The following MARCHF2 variants were observed in gnomAD, a reference collection of about 807,000 sequenced individuals.
MARCHF2 encodes the protein E3 ubiquitin-protein ligase MARCHF2.
Under a neutral mutation model 24.0 loss-of-function variants are expected in MARCHF2, and 22 were observed. The observed-to-expected ratio is 0.92, with a 90% CI of 0.66 to 1.31. The LOEUF (loss-of-function observed/expected upper bound fraction) is 1.31. MARCHF2 is among the 50% of genes most tolerant of loss of function. MARCHF2 has a pLI of 0.00. For synonymous variants in MARCHF2, 154 were observed against 153.0 expected (o/e 1.01, Z -0.05); for missense variants, 301 against 335.3 (o/e 0.90, Z 0.80).
chr19:8,438,438 C>T lies in MARCHF2; in HGVS notation c.633C>T (p.Asn211=), dbSNP rs2145577389. 6.2e-7 allele frequency: 1 copy of T among 1,614,102 alleles called. No homozygotes were observed. Among genetic ancestry groups the T allele is most frequent in the Middle Eastern group, 1.7e-4 (1 of 6,008 alleles). The change falls in exon 5 of 5, where the codon AAC becomes AAT. Residue 211 remains asparagine, a synonymous_variant. Transcript: ENST00000215555. ...CQLYSEWRKT[N]QKVRLKIREA... is the part of the protein sequence containing the mutation. ...TGTACTCCGAGTGGAGAAAGACCAA[C>T]CAGAAAGTTCGCCTGAAGATCCGGG...
chr19:8,421,263 C>T (rs369425418), intron 1 of MARCHF2, among the ~76,000 whole-genome samples: 72 of 151,894 alleles, frequency 4.7e-4, no homozygotes, highest in African/African-American at 1.7e-3. Context: ...GCTGGGACTA[C>T]AGGCGCGTGC....
rs574650971 is a variant in MARCHF2, at chr19:8,421,771, G to T, written c.-52-18G>T. 6.9e-7 allele frequency: 1 copy of T among 1,454,606 alleles called. No homozygotes were observed. Among genetic ancestry groups the T allele is most frequent in the South Asian group, 1.3e-5 (1 of 75,068 alleles). The allele number at this position is 1,454,606 out of a possible 1,614,324, so 90.1% of individuals were successfully genotyped here. A position where few individuals can be genotyped will look rare whatever the true frequency, so the allele number is the denominator to read the frequency against. On this transcript the variant is annotated intron_variant, in intron 1 of 4. Transcript: ENST00000215555. ...CTCATTAACCTTGCCCCTAACCTCC[G>T]CACTGGCCTGTTCCCAGGCTCCTGG...
At chr19:8,417,141 T>C (rs1342409531) in intron 1 of MARCHF2, among the ~76,000 whole-genome samples, 1 of 151,950 alleles carries the variant, frequency 6.6e-6, no homozygotes, top group African/African-American at 2.4e-5. Context: ...TATCCAGTTA[T>C]TTGCAGAAAT....
In MARCHF2 at chr19:8,421,980, T is replaced by C. The variant is rs1242024676; in HGVS notation, c.140T>C (p.Leu47Pro). The C allele has an allele frequency of 6.2e-7, 1 of 1,613,166 alleles. No individual in the cohort carries two copies. Among genetic ancestry groups the C allele is most frequent in the African/African-American group, 1.3e-5 (1 of 74,882 alleles). Reference sequence around the variant, plus strand: ...CAGGTGACTTCAAGGGATGGCCGGCTCCTCTCCACCGTCATCCGTGCCTTG... The same window carrying C: ...CAGGTGACTTCAAGGGATGGCCGGCCCCTCTCCACCGTCATCCGTGCCTTG... The part of the protein sequence containing the change: ...VAQVTSRDGR[L>P]LSTVIRALDT... The change falls in exon 2 of 5, where the codon CTC (leucine) becomes CCC (proline). Residue 47 changes from leucine to proline, a missense_variant. Coordinates refer to ENST00000215555, the MANE Select transcript of MARCHF2 (RefSeq NM_001005415.2).
chr19:8,427,818 A>C (rs1340988595), intron 3 of MARCHF2: 1 of 122 alleles, frequency 8.2e-3, no homozygotes, highest in Admixed American at 0.12. Context: ...AAAAAATACA[A>C]AAAAAAAAAA....
At chr19:8,437,164 G>T (rs10410093) in intron 4 of MARCHF2, among the ~76,000 whole-genome samples, 1 of 151,898 alleles carries the variant, frequency 6.6e-6, no homozygotes, top group African/African-American at 2.4e-5. Context: ...ATATTTGGTA[G>T]AGACAAGGTC....
intron 2 of MARCHF2, 102 bp downstream of exon 2, chr19:8,422,118 G>A: frequency 8.2e-7 from 1 of 1,223,552 alleles, no homozygotes; most frequent in Non-Finnish European, 1.1e-6. Flanking sequence ...CGTTGACAGA[G>A]GGCCAAGTGG....
intron 4 of MARCHF2, among the ~76,000 whole-genome samples, chr19:8,438,113 C>T (rs182609855): frequency 6.6e-6 from 1 of 152,212 alleles, no homozygotes; most frequent in South Asian, 2.1e-4. Flanking sequence ...TCACTCCTTT[C>T]CCACTGAGAG....
At chr19:8,428,523 G>T (rs1489513048) in intron 3 of MARCHF2, among the ~76,000 whole-genome samples, 3 of 150,962 alleles carry the variant, frequency 2.0e-5, no homozygotes, top group Non-Finnish European at 3.0e-5. Context: ...GGTGGCGCAT[G>T]CCTGTAATCC....
At chr19:8,423,664 A>G (rs1287886487) in intron 2 of MARCHF2, 1 of 152,062 alleles carries the variant, frequency 6.6e-6, no homozygotes, top group East Asian at 1.9e-4. Flanking sequence ...AAAGCCGCCC[A>G]ACTCCACCCC....
At chr19:8,437,544 C>T (rs1185858110) in intron 4 of MARCHF2, among the ~76,000 whole-genome samples, 3 of 149,956 alleles carry the variant, frequency 2.0e-5, no homozygotes, top group Non-Finnish European at 4.4e-5. Context: ...GTAGAGATGG[C>T]GTTTCACCGT....
At chr19:8,431,748 G>C (rs951086376) in intron 4 of MARCHF2, among the ~76,000 whole-genome samples, 9 of 152,018 alleles carry the variant, frequency 5.9e-5, no homozygotes, top group South Asian at 2.1e-4. Context: ...TGAGGCAGGA[G>C]AATCACGTGA....
At chr19:8,438,296 C>A (rs1174776490) in intron 4 of MARCHF2, 92 bp from the exon 5 acceptor site, 3 of 1,317,396 alleles carry the variant, frequency 2.3e-6, no homozygotes, top group African/African-American at 2.9e-5. Context: ...TGAGCCCCAG[C>A]CATGGTTTGG....
intron 1 of MARCHF2, among the ~76,000 whole-genome samples, chr19:8,421,475 C>T (rs1967241917): frequency 6.6e-6 from 1 of 150,402 alleles, no homozygotes; most frequent in South Asian, 2.1e-4. Flanking sequence ...GATCCACCCG[C>T]CTCAGCCTCC....
chr19:8,421,175 T>G (rs1157912296), intron 1 of MARCHF2, among the ~76,000 whole-genome samples: 3 of 148,530 alleles, frequency 2.0e-5, no homozygotes, highest in African/African-American at 7.5e-5. Context: ...CAGGCTGGAG[T>G]GCAGTGGCGT....
Position 8,430,549 on chromosome 19 carries a change from G to T in MARCHF2, c.373-109G>T. The T allele has an allele frequency of 3.5e-5, 26 of 745,454 alleles. No homozygotes were observed. Among genetic ancestry groups the T allele is most frequent in the Non-Finnish European group, 5.6e-5 (26 of 466,292 alleles). 46.2% of individuals were successfully genotyped at this position (745,454 alleles called of 1,614,324 possible). A position where few individuals can be genotyped will look rare whatever the true frequency, so the allele number is the denominator to read the frequency against. On this transcript the variant is annotated intron_variant, in intron 3 of 4. Coordinates refer to ENST00000215555, the MANE Select transcript of MARCHF2 (RefSeq NM_001005415.2). This position sits in a 1 kb window ranked among gnomAD's most constrained non-coding sequence, Gnocchi z 4.4. The stretch of plus-strand genomic sequence containing the variant: ...GAATCTGTCTCAAAAAAAAAAAAAA[G>T]AAAGAAGGAAAGGACAGAGGGAGGC...
At chr19:8,415,135 A>G (rs1225788014) in intron 1 of MARCHF2, among the ~76,000 whole-genome samples, 1 of 152,190 alleles carries the variant, frequency 6.6e-6, no homozygotes, top group African/African-American at 2.4e-5. Context: ...GTGGTGGCTC[A>G]TGCCTGTAAT....
At chr19:8,435,935 T>G (rs12975669) in intron 4 of MARCHF2, among the ~76,000 whole-genome samples, 32,820 of 151,060 alleles carry the variant, frequency 0.22, 4,475 homozygotes, top group East Asian at 0.5. Context: ...CATGGCTCAC[T>G]GCAGCCTCAA....
chr19:8,436,677 CTTTTTTT>C (rs71175858), intron 4 of MARCHF2, among the ~76,000 whole-genome samples: 2 of 71,592 alleles, frequency 2.8e-5, no homozygotes, highest in Non-Finnish European at 2.7e-5. Flanking sequence ...TAAGGGCTTT[CTTTTTTT>C]TTTTTTTTTT....
Sources: gnomAD v4.1 joint callset for allele counts (sites outside exome capture counted in the v4.1 genomes callset) on GRCh38, gnomAD v4.1.1 for gene constraint, Gnocchi (gnomAD v3.1) non-coding constraint, MANE v1.5 for transcripts, NCBI Gene and HGNC (gene_info 2026-07-23, HGNC 2026-07-21) for gene names.